The following GARRE1 variants were observed in gnomAD, a reference collection of about 807,000 sequenced individuals.
The protein encoded by GARRE1 is granule associated Rac and RHOG effector protein 1.
GARRE1 carries 49 observed loss-of-function variants against 103.2 expected under a neutral mutation model. The observed-to-expected ratio is 0.47, with a 90% CI of 0.38 to 0.60. The LOEUF is 0.60. Ranked by LOEUF, GARRE1 falls within the 20% of genes least tolerant of loss-of-function variation. The pLI is 0.00. For synonymous variants in GARRE1, 505 were observed against 532.8 expected (o/e 0.95, Z 0.72); for missense variants, 1,199 against 1,370.5 (o/e 0.87, Z 1.98).
chr19:34,267,040 G>C (rs2073757017), intron 1 of GARRE1, among the ~76,000 whole-genome samples: 1 of 152,096 alleles, frequency 6.6e-6, no homozygotes, highest in African/African-American at 2.4e-5. Flanking sequence ...GAGGCGGGAG[G>C]ATCGCTTGAG....
At chr19:34,280,003 A>AAAG (rs1568527424) in intron 1 of GARRE1, among the ~76,000 whole-genome samples, 2 of 147,282 alleles carry the variant, frequency 1.4e-5, no homozygotes, top group Admixed American at 6.8e-5. Context: ...AAAAAAAAAA[A>AAAG]AAAAGTGGTT....
At chr19:34,345,278 TC>T (rs1451703752) in intron 10 of GARRE1, among the ~76,000 whole-genome samples, 1 of 152,198 alleles carries the variant, frequency 6.6e-6, no homozygotes, top group African/African-American at 2.4e-5. Flanking sequence ...TGAAAATTCT[TC>T]ATGCCGCTGC....
intron 1 of GARRE1, among the ~76,000 whole-genome samples, chr19:34,288,323 A>G (rs74584732): frequency 5.1e-4 from 77 of 152,120 alleles, no homozygotes; most frequent in African/African-American, 1.8e-3. Context: ...CCTTTCCTCA[A>G]TTTCTCAAAG....
chr19:34,266,576 G>A (rs1308797455), intron 1 of GARRE1, among the ~76,000 whole-genome samples: 1 of 152,148 alleles, frequency 6.6e-6, no homozygotes. Context: ...TGGCCAGGAT[G>A]GTCTTGATCT....
At chr19:34,261,606 AAAGT>A (rs774898188) in intron 1 of GARRE1, among the ~76,000 whole-genome samples, 30 of 152,120 alleles carry the variant, frequency 2.0e-4, no homozygotes, top group Non-Finnish European at 1.0e-4. Context: ...ACTGTGGGAA[AAAGT>A]AAGTCCAGTG....
chr19:34,354,206 A>G lies in GARRE1; in HGVS notation c.*1251A>G, dbSNP rs1157359222. On this transcript the variant is annotated 3_prime_UTR_variant, in exon 14 of 14. Coordinates refer to ENST00000299505, the MANE Select transcript of GARRE1 (RefSeq NM_014686.5). ...ATATTTTCTGGTATGAAAGTTTGAC[A>G]GTATTAATATTTTTTTTATATTTTC... 1 of 152,408 alleles carries G rather than the reference A, an allele frequency of 6.6e-6. No homozygotes were observed. The highest frequency in any genetic ancestry group is 1.5e-5 in the Non-Finnish European group (1 of 68,020). 9.4% of individuals were successfully genotyped at this position (152,408 alleles called of 1,614,324 possible).
At chr19:34,344,840 A>T (rs1210367347) in intron 10 of GARRE1, among the ~76,000 whole-genome samples, 3 of 139,354 alleles carry the variant, frequency 2.2e-5, no homozygotes, top group African/African-American at 8.0e-5. Context: ...CACCCAGCTA[A>T]TTTTTTTTTT....
At chr19:34,321,223 A>ATTTTTTTTTTT (rs71165648) in intron 3 of GARRE1, among the ~76,000 whole-genome samples, 1 of 77,382 alleles carries the variant, frequency 1.3e-5, no homozygotes, top group Non-Finnish European at 2.7e-5. Flanking sequence ...AGCCCGGCTA[A>ATTTTTTTTTTT]TTTTTTTTTT....
rs201788680 is a variant in GARRE1 at position 34,278,097 on chromosome 19, A to G, written c.-795-21582A>G. Among the ~76,000 whole-genome samples, 29 of 152,096 alleles carry G rather than the reference A, an allele frequency of 1.9e-4. No individual in the cohort carries two copies. In the East Asian group the frequency reaches 5.0e-3, roughly 26 times the overall value. ...TTTCAGTGGCATAAGTACATTAACAATGTTGTGCAGCCATCACCACCATCC... is the reference window on the plus strand; with the variant it reads ...TTTCAGTGGCATAAGTACATTAACAGTGTTGTGCAGCCATCACCACCATCC... On this transcript the variant is annotated intron_variant, in intron 1 of 13. Transcript: ENST00000299505.
intron 2 of GARRE1, among the ~76,000 whole-genome samples, chr19:34,306,133 T>A (rs1239963046): frequency 6.6e-6 from 1 of 152,176 alleles, no homozygotes; most frequent in East Asian, 1.9e-4. Context: ...TGGCTAGGCA[T>A]TTGGATTTTT....
chr19:34,257,144 C>A (rs542526641), intron 1 of GARRE1, among the ~76,000 whole-genome samples: 17 of 137,686 alleles, frequency 1.2e-4, no homozygotes, highest in Admixed American at 9.9e-4. Context: ...GTTTGGAAGA[C>A]CATGTTTTAA....
At chr19:34,266,596 G>A (rs1479080644) in intron 1 of GARRE1, among the ~76,000 whole-genome samples, 5 of 152,058 alleles carry the variant, frequency 3.3e-5, no homozygotes, top group Non-Finnish European at 5.9e-5. Context: ...TCTTCACCTC[G>A]GCCTCCCAAA....
At chr19:34,289,083 A>G (rs1173215853) in intron 1 of GARRE1, among the ~76,000 whole-genome samples, 20 of 151,994 alleles carry the variant, frequency 1.3e-4, no homozygotes, top group Admixed American at 1.3e-3. Flanking sequence ...GCAGTGAGCC[A>G]AGATTGCACC....
chr19:34,352,654 A>G lies in GARRE1; in HGVS notation c.2912A>G (p.Lys971Arg). The G allele has an allele frequency of 6.2e-7, 1 of 1,608,312 alleles. No individual in the cohort carries two copies. Among genetic ancestry groups the G allele is most frequent in the Non-Finnish European group, 8.5e-7 (1 of 1,175,252 alleles). ...CTCTCTTTTGTTTCTCAGGATAACA[A>G]AACCAAAACGTGGCCACCCAAAGCA... ...TTVEDVNQDN[K>R]TKTWPPKAPW... Residue 971 changes from lysine to arginine, a missense_variant, in exon 14 of 14, where the codon AAA (lysine) becomes AGA (arginine). Lys to Arg is a conservative substitution (Grantham distance 26). Coordinates refer to ENST00000299505, the MANE Select transcript of GARRE1 (RefSeq NM_014686.5).
At chr19:34,337,050 G>GT (rs113410326) in intron 8 of GARRE1, among the ~76,000 whole-genome samples, 4,786 of 115,824 alleles carry the variant, frequency 0.041, 207 homozygotes, top group African/African-American at 0.12. Context: ...TTTTAGTTCT[G>GT]TTTTTTTTTT....
intron 7 of GARRE1, among the ~76,000 whole-genome samples, chr19:34,332,308 C>T (rs1199421564): frequency 6.6e-6 from 1 of 152,078 alleles, no homozygotes; most frequent in Non-Finnish European, 1.5e-5. Context: ...CGTGGAAGAG[C>T]CCATTGGCTT....
chr19:34,283,077 C>T (rs1191898554), intron 1 of GARRE1, among the ~76,000 whole-genome samples: 1 of 152,156 alleles, frequency 6.6e-6, no homozygotes, highest in Non-Finnish European at 1.5e-5. Context: ...CCTGTTTAGC[C>T]TGTCGTTTTG....
rs770464094 is a variant in GARRE1, at chr19:34,327,825, G to A, written c.901G>A (p.Gly301Ser). The A allele has an allele frequency of 2.0e-5, 33 of 1,614,078 alleles. No individual in the cohort carries two copies. The highest frequency in any genetic ancestry group is 5.0e-5 in the Admixed American group (3 of 60,004). ...LGHCEYAMKAGFHLNPKAIEA... is the reference protein window; with the variant it reads ...LGHCEYAMKASFHLNPKAIEA... ...ACACTGTGAATATGCAATGAAAGCC[G>A]GCTTCCACCTGAATCCAAAGGCGAT... Residue 301 changes from glycine to serine, a missense_variant, in exon 5 of 14, where the codon GGC becomes AGC. Physicochemically the swap from Gly to Ser is moderately conservative, Grantham distance 56 (BLOSUM62 0). Transcript: ENST00000299505.
At chr19:34,282,340 C>T (rs886879022) in intron 1 of GARRE1, among the ~76,000 whole-genome samples, 53 of 152,144 alleles carry the variant, frequency 3.5e-4, no homozygotes, top group African/African-American at 1.1e-3. Context: ...TTAGTAGAGA[C>T]GGGGTTTCAC....
Sources: gnomAD v4.1 joint callset for allele counts (sites outside exome capture counted in the v4.1 genomes callset) on GRCh38, gnomAD v4.1.1 for gene constraint, MANE v1.5 for transcripts, NCBI Gene and HGNC (gene_info 2026-07-23, HGNC 2026-07-21) for gene names.